PCCA: variants seen among roughly 807,000 people sequenced by gnomAD.
The protein encoded by PCCA is propionyl-CoA carboxylase alpha chain, mitochondrial.
PCCA carries 74 observed loss-of-function variants against 101.3 expected under a neutral mutation model. That is an observed-to-expected ratio of 0.73 (90% confidence interval 0.61 to 0.89). The LOEUF is 0.89. Ranked by LOEUF, PCCA falls within the 40% of genes least tolerant of loss-of-function variation. The pLI is 0.00. For synonymous variants in PCCA, 294 were observed against 313.6 expected, an observed-to-expected ratio of 0.94 and a Z score of 0.66; for missense variants, 891 against 907.0, an observed-to-expected ratio of 0.98 and a Z score of 0.23.
intron 7 of PCCA, among the ~76,000 whole-genome samples, 171 bp from the exon 8 acceptor site, chr13:100,235,671 A>C (rs2060754083): frequency 6.6e-6 from 1 of 152,234 alleles, no homozygotes; most frequent in Non-Finnish European, 1.5e-5. Context: ...TAGAATTTAC[A>C]TTCCACTTAT....
chr13:100,276,039 A>G (rs371664828), intron 12 of PCCA, among the ~76,000 whole-genome samples: 70 of 152,006 alleles, frequency 4.6e-4, no homozygotes, highest in African/African-American at 1.6e-3. Flanking sequence ...TTGACAGCCA[A>G]TGACTTTATG....
At chr13:100,489,044 G>A (rs192312739) in intron 21 of PCCA, among the ~76,000 whole-genome samples, 6 of 152,226 alleles carry the variant, frequency 3.9e-5, no homozygotes, top group East Asian at 3.9e-4. Flanking sequence ...GGTGGCTCAC[G>A]CCTGTAATCC....
At chr13:100,188,351 TA>T (rs1219598355) in intron 6 of PCCA, among the ~76,000 whole-genome samples, 6 of 119,668 alleles carry the variant, frequency 5.0e-5, no homozygotes, top group African/African-American at 1.9e-4. Flanking sequence ...AAAGAAAGAA[TA>T]ATGAATTCCA....
At chr13:100,412,434 T>C (rs997241763) in intron 19 of PCCA, among the ~76,000 whole-genome samples, 2 of 152,226 alleles carry the variant, frequency 1.3e-5, no homozygotes, top group African/African-American at 4.8e-5. Context: ...TATCTGAAAT[T>C]GTTTTACAAG....
chr13:100,175,454 G>A (rs528908556), intron 6 of PCCA, among the ~76,000 whole-genome samples: 1 of 152,338 alleles, frequency 6.6e-6, no homozygotes, highest in Non-Finnish European at 1.5e-5. Context: ...GGTAGTGAGA[G>A]TGGTGACAGG....
chr13:100,301,450 G>T lies in PCCA; in HGVS notation c.1066-10G>T. Reference sequence around the variant, plus strand: ...CTACACCTACTGACTGGCAGACCTTGGCCTTGCAGGTTGAGCATCCTGTCA... The same window carrying T: ...CTACACCTACTGACTGGCAGACCTTTGCCTTGCAGGTTGAGCATCCTGTCA... On this transcript the variant is annotated splice_polypyrimidine_tract_variant and intron_variant, in intron 12 of 23. Coordinates refer to ENST00000376285, the MANE Select transcript of PCCA (RefSeq NM_000282.4). 2 of 1,613,860 alleles carry T rather than the reference G, an allele frequency of 1.2e-6. No homozygotes were observed.
chr13:100,153,282 G>A (rs1307504462), intron 4 of PCCA, among the ~76,000 whole-genome samples: 1 of 152,158 alleles, frequency 6.6e-6, no homozygotes, highest in Non-Finnish European at 1.5e-5. Flanking sequence ...ACTGTGCAAA[G>A]CAGTTAAAAT....
intron 6 of PCCA, among the ~76,000 whole-genome samples, chr13:100,205,625 A>G (rs1483303547): frequency 6.7e-6 from 1 of 148,928 alleles, no homozygotes; most frequent in East Asian, 2.0e-4. Context: ...CTGGTTAATC[A>G]GTGTTCCAGG....
At chr13:100,517,716 T>G (rs1193476948) in intron 22 of PCCA, among the ~76,000 whole-genome samples, 1 of 152,204 alleles carries the variant, frequency 6.6e-6, no homozygotes. Context: ...TTTTTGGTAC[T>G]TGCAGAACTT....
chr13:100,505,442 T>C lies in PCCA; in HGVS notation c.1900-9985T>C, dbSNP rs150214127. Among the ~76,000 whole-genome samples the C allele has an allele frequency of 2.0e-5, 3 of 152,342 alleles. No homozygotes were observed. In the East Asian group the frequency reaches 5.8e-4, roughly 29 times the overall value. ...CACGGAATCAACTTCCTTTCTTTGATTTTAGAGCCAGATGTGATGTTTGAA... is the reference window on the plus strand; with the variant it reads ...CACGGAATCAACTTCCTTTCTTTGACTTTAGAGCCAGATGTGATGTTTGAA... On this transcript the variant is annotated intron_variant, in intron 21 of 23. Coordinates refer to ENST00000376285, the MANE Select transcript of PCCA (RefSeq NM_000282.4).
intron 19 of PCCA, among the ~76,000 whole-genome samples, chr13:100,414,055 CCTGA>C (rs1166650225): frequency 6.6e-6 from 1 of 152,178 alleles, no homozygotes; most frequent in African/African-American, 2.4e-5. Context: ...AACTAGCCAA[CCTGA>C]CTGATTGTAG....
intron 16 of PCCA, among the ~76,000 whole-genome samples, chr13:100,326,498 A>T (rs369573465): frequency 6.6e-6 from 1 of 152,250 alleles, no homozygotes; most frequent in African/African-American, 2.4e-5. Flanking sequence ...AAACAGTGGA[A>T]GAAGGATTGA....
chr13:100,494,143 C>T (rs1593990586), intron 21 of PCCA, among the ~76,000 whole-genome samples: 1 of 151,970 alleles, frequency 6.6e-6, no homozygotes, highest in African/African-American at 2.4e-5. Flanking sequence ...GAGCTGAGAT[C>T]ATGCCACTGT....
At position 100,393,417 on chromosome 13, in the gene PCCA, C is replaced by CTTTTTTT. The variant is rs11459500; in HGVS notation, c.1746+24856_1746+24862dup. On this transcript the variant is annotated intron_variant, in intron 19 of 23. Coordinates refer to ENST00000376285, the MANE Select transcript of PCCA (RefSeq NM_000282.4). Reference sequence around the variant, plus strand: ...TGGCTTTTATTAACTACTGAAGAGTCTTTTTTTTTTTTTTTTTTTGAGATG... The same window carrying CTTTTTTT: ...TGGCTTTTATTAACTACTGAAGAGTCTTTTTTTTTTTTTTTTTTTTTTTTTTGAGATG... 1.8e-5 allele frequency among the ~76,000 whole-genome samples: 2 copies of CTTTTTTT among 113,672 alleles called. 1 individual carries two copies. The allele number at this position is 113,672 out of a possible 152,430, so 74.6% of individuals were successfully genotyped here. A position where few individuals can be genotyped will look rare whatever the true frequency, so the allele number is the denominator to read the frequency against.
intron 18 of PCCA, among the ~76,000 whole-genome samples, chr13:100,349,702 C>T (rs1459010100): frequency 6.6e-6 from 1 of 152,234 alleles, no homozygotes; most frequent in African/African-American, 2.4e-5. Context: ...AAATAAAGCA[C>T]TCCCTTTGGT....
At chr13:100,288,586 T>C (rs568862746) in intron 12 of PCCA, among the ~76,000 whole-genome samples, 1 of 152,368 alleles carries the variant, frequency 6.6e-6, no homozygotes, top group African/African-American at 2.4e-5. Flanking sequence ...CGGCGATACA[T>C]TGTTTTTAAC....
At chr13:100,409,463 G>C (rs1394740690) in intron 19 of PCCA, among the ~76,000 whole-genome samples, 1 of 152,112 alleles carries the variant, frequency 6.6e-6, no homozygotes, top group Non-Finnish European at 1.5e-5. Context: ...GGGACTCAGC[G>C]AGGCCAGAGT....
chr13:100,229,603 C>G (rs1189579338), intron 7 of PCCA, among the ~76,000 whole-genome samples: 2 of 152,162 alleles, frequency 1.3e-5, no homozygotes, highest in African/African-American at 2.4e-5. Flanking sequence ...TTCCTCCTTC[C>G]TTTGTTCTCC....
rs2086610647 is a variant in PCCA, at chr13:100,513,206, C to A, written c.1900-2221C>A. Among the ~76,000 whole-genome samples, 6 of 152,228 alleles carry A rather than the reference C, an allele frequency of 3.9e-5. No individual in the cohort carries two copies. In the South Asian group the frequency reaches 1.0e-3, roughly 26 times the overall value. ...GGCTCAGGACAACATCAAAGGTAAT[C>A]TTAAAAAGAGAATCTCTCTCTGTCT... On this transcript the variant is annotated intron_variant, in intron 21 of 23. Coordinates refer to ENST00000376285, the MANE Select transcript of PCCA (RefSeq NM_000282.4).
Sources: allele counts gnomAD v4.1 joint callset (sites outside exome capture counted in the v4.1 genomes callset), GRCh38; gene constraint gnomAD v4.1.1; transcripts MANE v1.5; gene names NCBI Gene and HGNC (gene_info 2026-07-23, HGNC 2026-07-21).